CDC45: variants seen among roughly 807,000 people sequenced by gnomAD.
CDC45 encodes cell division cycle 45, also known as cell division control protein 45 homolog.
In CDC45, 54 loss-of-function variants were observed where a neutral mutation model predicts 77.8. The ratio of observed to expected loss-of-function variants is 0.69; its 90% CI spans 0.56 to 0.87. CDC45 has a LOEUF of 0.87. Ranked by LOEUF, CDC45 falls within the 40% of genes least tolerant of loss-of-function variation. CDC45 has a pLI of 0.00. For missense variants in CDC45, 649 were observed against 721.6 expected (o/e 0.90, Z 1.15); for synonymous variants, 260 against 272.1 (o/e 0.96, Z 0.44).
chr22:19,505,092 C>A (rs1214546659), intron 9 of CDC45: 1 of 476,378 alleles, frequency 2.1e-6, no homozygotes, highest in Non-Finnish European at 3.8e-6. Context: ...TGGGCTGTGG[C>A]CTCTGCGGTG....
At chr22:19,513,555 C>T (rs1933627077) in intron 13 of CDC45, among the ~76,000 whole-genome samples, 1 of 152,214 alleles carries the variant, frequency 6.6e-6, no homozygotes, top group Non-Finnish European at 1.5e-5. Flanking sequence ...CTTCCCACCA[C>T]AGCCTGGACC....
chr22:19,507,678 C>A, intron 11 of CDC45, 88 bp from the exon 12 acceptor site: 2 of 1,334,676 alleles, frequency 1.5e-6, no homozygotes, highest in Non-Finnish European at 2.1e-6. Context: ...GGTGCGGGGA[C>A]ATCCTCGCTT....
intron 17 of CDC45, among the ~76,000 whole-genome samples, chr22:19,518,556 C>T (rs967400081): frequency 2.6e-5 from 4 of 152,172 alleles, no homozygotes; most frequent in East Asian, 1.9e-4. Context: ...TGGGCAGGCC[C>T]GTGTTTGTCC....
In CDC45 at chr22:19,501,489, G is replaced by C. The variant is rs1345298345; in HGVS notation, c.704+2338G>C. Among the ~76,000 whole-genome samples the C allele has an allele frequency of 2.0e-5, 3 of 152,200 alleles. No individual in the cohort carries two copies. In the South Asian group the frequency reaches 6.2e-4, roughly 31 times the overall value. The stretch of plus-strand genomic sequence containing the variant: ...TTCTGATTTGCTGGCCTCCTTGGAG[G>C]TCTTGTGGCCTCCTCAGAATCTTGT... On this transcript the variant is annotated intron_variant, in intron 9 of 18. Coordinates refer to ENST00000263201, the MANE Select transcript of CDC45 (RefSeq NM_003504.5).
chr22:19,496,054 C>CTATAGTGAGTTATAAAGT, intron 7 of CDC45, 25 bp downstream of exon 7: 1 of 1,522,478 alleles, frequency 6.6e-7, no homozygotes, highest in Non-Finnish European at 9.1e-7. Flanking sequence ...GTGGAACTCA[C>CTATAGTGAGTTATAAAGT]TATAAAGTTC....
intron 9 of CDC45, among the ~76,000 whole-genome samples, chr22:19,500,825 G>C (rs1156587582): frequency 6.6e-6 from 1 of 152,136 alleles, no homozygotes; most frequent in Non-Finnish European, 1.5e-5. Flanking sequence ...AAACTCTGCT[G>C]TCTCAGTGTA....
At chr22:19,491,990 G>GA (rs1174775314) in intron 5 of CDC45, among the ~76,000 whole-genome samples, 1 of 152,070 alleles carries the variant, frequency 6.6e-6, no homozygotes, top group Non-Finnish European at 1.5e-5. Flanking sequence ...ATTTTTAGTA[G>GA]AGATGAGGTT....
chr22:19,488,159 T>C (rs1395155106), intron 5 of CDC45, among the ~76,000 whole-genome samples: 1 of 152,226 alleles, frequency 6.6e-6, no homozygotes, highest in Admixed American at 6.5e-5. Flanking sequence ...TGACTTAACC[T>C]CTGTGTGCCA....
chr22:19,494,433 G>A lies in CDC45; in HGVS notation c.542+51G>A, dbSNP rs558030330. On this transcript the variant is annotated intron_variant, in intron 6 of 18. Coordinates refer to ENST00000263201, the MANE Select transcript of CDC45 (RefSeq NM_003504.5). ...CAGCACCAGAAGCCCACTTGCCTGG[G>A]GGTCTGTGGTGCCACCCATACCTCT... 6 of 1,605,802 alleles carry A rather than the reference G, an allele frequency of 3.7e-6. No homozygotes were observed. The African/African-American group carries it at 4.0e-5, about 11-fold the overall frequency.
intron 5 of CDC45, among the ~76,000 whole-genome samples, chr22:19,484,379 G>T (rs5746747): frequency 0.04 from 6,034 of 152,288 alleles, 214 homozygotes; most frequent in South Asian, 0.13. Context: ...GGAGCAATGT[G>T]GGTCTGCATC....
At chr22:19,510,310 A>T (rs921287648) in intron 13 of CDC45, among the ~76,000 whole-genome samples, 1 of 152,110 alleles carries the variant, frequency 6.6e-6, no homozygotes, top group Non-Finnish European at 1.5e-5. Context: ...TTGTGCAGCA[A>T]TCACCACTAT....
At chr22:19,479,618 G>A (rs1458556815), upstream of CDC45, 2 of 634,774 alleles carry the variant, frequency 3.2e-6, no homozygotes, top group Non-Finnish European at 6.0e-6. Context: ...CTTTCCCTGA[G>A]GGTTCCCAGT....
At chr22:19,486,063 T>C (rs1246592771) in intron 5 of CDC45, among the ~76,000 whole-genome samples, 1 of 152,260 alleles carries the variant, frequency 6.6e-6, no homozygotes, top group Non-Finnish European at 1.5e-5. Context: ...ACTCTGTCAC[T>C]GAGGCTGGGG....
intron 5 of CDC45, among the ~76,000 whole-genome samples, chr22:19,489,071 G>A (rs1353347154): frequency 1.3e-5 from 2 of 152,124 alleles, no homozygotes; most frequent in Non-Finnish European, 2.9e-5. Context: ...AGCTACTTGG[G>A]AGGCTGAGGT....
chr22:19,511,644 A>C (rs1024283026), intron 13 of CDC45, among the ~76,000 whole-genome samples: 1 of 152,150 alleles, frequency 6.6e-6, no homozygotes, highest in African/African-American at 2.4e-5. Context: ...ACTTTTATAT[A>C]TTCTACATAC....
intron 5 of CDC45, among the ~76,000 whole-genome samples, chr22:19,484,390 C>T (rs1422887136): frequency 6.6e-6 from 1 of 152,190 alleles, no homozygotes; most frequent in African/African-American, 2.4e-5. Flanking sequence ...GGTCTGCATC[C>T]CTTGGCCAGG....
intron 9 of CDC45, among the ~76,000 whole-genome samples, chr22:19,503,247 C>G (rs1328994287): frequency 1.3e-5 from 2 of 152,212 alleles, no homozygotes; most frequent in Non-Finnish European, 2.9e-5. Context: ...ACCCACTGCA[C>G]TATCCTGATG....
At chr22:19,499,060 G>A (rs1404335251) in intron 8 of CDC45, 41 bp from the exon 9 acceptor site, 1 of 1,602,228 alleles carries the variant, frequency 6.2e-7, no homozygotes, top group Non-Finnish European at 8.5e-7. Context: ...ATTGAGCCCA[G>A]GTGGGCTATA....
intron 5 of CDC45, among the ~76,000 whole-genome samples, chr22:19,493,434 T>TG (rs1568919725): frequency 6.6e-6 from 1 of 151,134 alleles, no homozygotes; most frequent in Non-Finnish European, 1.5e-5. Context: ...TTGTTTTTTT[T>TG]TTTTTGTTGT....
Sources: gnomAD v4.1 joint callset for allele counts (sites outside exome capture counted in the v4.1 genomes callset) on GRCh38, gnomAD v4.1.1 for gene constraint, MANE v1.5 for transcripts, NCBI Gene and HGNC (gene_info 2026-07-23, HGNC 2026-07-21) for gene names.